Variants in PRKCG observed in about 807,000 individuals in gnomAD.
The protein encoded by PRKCG is protein kinase C gamma, also known as protein kinase C gamma type.
A neutral mutation model predicts 82.0 loss-of-function variants in PRKCG; 28 were observed. That is an observed-to-expected ratio of 0.34 (90% CI 0.25 to 0.47). The LOEUF is 0.47. Among genes scored for constraint, PRKCG ranks in the 20% least tolerant of loss-of-function variants. The pLI is 1.00. For missense variants in PRKCG, 640 were observed against 952.7 expected (o/e 0.67, Z 4.32); for synonymous variants, 383 against 376.6 (o/e 1.02, Z -0.20).
intron 10 of PRKCG, 79 bp from the exon 11 acceptor site, chr19:53,898,361 T>C: frequency 6.4e-7 from 1 of 1,566,596 alleles, no homozygotes; most frequent in Non-Finnish European, 8.8e-7. Context: ...CCCGTTTCCC[T>C]GCGTCCCTTA....
intron 6 of PRKCG, 113 bp downstream of exon 6, chr19:53,891,943 A>G (rs914450228): frequency 1.5e-6 from 2 of 1,352,690 alleles, no homozygotes; most frequent in Non-Finnish European, 2.1e-6. Flanking sequence ...GAACCCAGAA[A>G]AGGGCAGAAG....
In PRKCG at chr19:53,884,238, A is replaced by T; in HGVS notation, c.280A>T (p.Thr94Ser). 1 of 1,613,844 alleles carries T rather than the reference A, an allele frequency of 6.2e-7. No individual in the cohort carries two copies. Among genetic ancestry groups the T allele is most frequent in the East Asian group, 2.2e-5 (1 of 44,878 alleles). The change falls in exon 3 of 18, where the codon ACG becomes TCG. Residue 94 changes from threonine to serine, a missense_variant. Transcript: ENST00000263431. This position sits in a 1 kb window ranked among gnomAD's most constrained non-coding sequence, Gnocchi z 4.6. The stretch of plus-strand genomic sequence containing the variant: ...TCCAGGCGCTGGGAAGGGCCCCCAG[A>T]CGGACGTGAGTGCTCGGACACCTGG... ...ECPGAGKGPQ[T>S]DDPRNKHKFR...
Position 53,889,852 on chromosome 19 carries a change from G to C in PRKCG, c.398-34G>C, listed in dbSNP as rs556168847. 4 of 1,570,698 alleles carry C rather than the reference G, an allele frequency of 2.5e-6. No homozygotes were observed. Among genetic ancestry groups the C allele is most frequent in the African/African-American group, 1.4e-5 (1 of 73,912 alleles). On this transcript the variant is annotated intron_variant, in intron 4 of 17. Transcript: ENST00000263431. The surrounding 1 kb of genome is among the most constrained non-coding windows in gnomAD (Gnocchi z 4.4). ...GGGTGGAGTCTTGGCTTGGGGGCGG[G>C]GCCTGAGGTGCTACCCGCAGCTTTC...
At position 53,882,328 on chromosome 19, in the gene PRKCG, C is replaced by A; in HGVS notation, c.-167C>A. The A allele has an allele frequency of 9.7e-7, 1 of 1,032,272 alleles. No homozygotes were observed. Among genetic ancestry groups the A allele is most frequent in the Non-Finnish European group, 1.4e-6 (1 of 709,378 alleles). The allele number at this position is 1,032,272 out of a possible 1,614,324, so 63.9% of individuals were successfully genotyped here. On this transcript the variant is annotated 5_prime_UTR_variant, in exon 1 of 18. Transcript: ENST00000263431. This position sits in a 1 kb window ranked among gnomAD's most constrained non-coding sequence, Gnocchi z 6.1. ...GGCGGAGCCGGCGCGCCCGGGGTGC[C>A]GCTCCCTGCCTGGCGCGCTCCGCAC...
chr19:53,898,874 G>T (rs1358307738), intron 11 of PRKCG, among the ~76,000 whole-genome samples: 2 of 134,838 alleles, frequency 1.5e-5, no homozygotes, highest in Non-Finnish European at 3.1e-5. Flanking sequence ...AGGCCGGGTG[G>T]AGGGGCTCCT....
chr19:53,907,323 C>G lies in PRKCG; in HGVS notation c.*428C>G, dbSNP rs57483118. On this transcript the variant is annotated 3_prime_UTR_variant, in exon 18 of 18. Coordinates refer to ENST00000263431, the MANE Select transcript of PRKCG (RefSeq NM_002739.5). ...AGAACAGCCCTCGGCCTCCGAGGCT[C>G]CCCGCCTCCACTCTAGTTCTAGATG... 9,384 of 268,254 alleles carry G rather than the reference C, an allele frequency of 0.035. 822 individuals carry two copies. The highest frequency in any genetic ancestry group is 0.19 in the African/African-American group (8,481 of 45,198). The allele number at this position is 268,254 out of a possible 1,614,324, so 16.6% of individuals were successfully genotyped here. A position where few individuals can be genotyped will look rare whatever the true frequency, so the allele number is the denominator to read the frequency against.
rs1365608472 is a variant in PRKCG at position 53,892,296 on chromosome 19, G to A, written c.687-213G>A. 6.6e-6 allele frequency among the ~76,000 whole-genome samples: 1 copy of A among 152,180 alleles called. No individual in the cohort carries two copies. The highest frequency in any genetic ancestry group is 1.5e-5 in the Non-Finnish European group (1 of 68,036). On this transcript the variant is annotated intron_variant, in intron 6 of 17. Coordinates refer to ENST00000263431, the MANE Select transcript of PRKCG (RefSeq NM_002739.5). This position sits in a 1 kb window ranked among gnomAD's most constrained non-coding sequence, Gnocchi z 5.9. ...ATGGGAAGGGGCGGAGAATGCAGGA[G>A]GAAGGGAGAGGAAGAGCTCTCTAGG...
Position 53,882,512 on chromosome 19 carries a change from CGGCGTA to C in PRKCG, c.23_28del (p.Val8_Gly9del). ...CTGGGGCCATGGCTGGTCTGGGCCCCGGCGTAGGCGATTCAGAGGGGGGACCCCGGC... is the reference window on the plus strand; with the variant it reads ...CTGGGGCCATGGCTGGTCTGGGCCCCGGCGATTCAGAGGGGGGACCCCGGC... On this transcript the variant is annotated inframe_deletion, in exon 1 of 18. Transcript: ENST00000263431. The surrounding 1 kb of genome is among the most constrained non-coding windows in gnomAD (Gnocchi z 6.1). The C allele has an allele frequency of 6.2e-7, 1 of 1,613,990 alleles. No individual in the cohort carries two copies. The highest frequency in any genetic ancestry group is 8.5e-7 in the Non-Finnish European group (1 of 1,179,932).
In PRKCG at chr19:53,900,960, A is replaced by C. The variant is rs570603502; in HGVS notation, c.1575+211A>C. On this transcript the variant is annotated intron_variant, in intron 14 of 17. Transcript: ENST00000263431. This position sits in a 1 kb window ranked among gnomAD's most constrained non-coding sequence, Gnocchi z 4.2. The stretch of plus-strand genomic sequence containing the variant: ...GCCCAGCTGGGTCTCTAAATAGGTA[A>C]GGTGGGCAGCACCTGTGGGTGAATG... Among the ~76,000 whole-genome samples the C allele has an allele frequency of 6.6e-6, 1 of 152,302 alleles. No individual in the cohort carries two copies. The highest frequency in any genetic ancestry group is 2.1e-4 in the South Asian group (1 of 4,820).
At position 53,892,867 on chromosome 19, in the gene PRKCG, C is replaced by A; in HGVS notation, c.822-121C>A. 2 of 1,101,108 alleles carry A rather than the reference C, an allele frequency of 1.8e-6. No homozygotes were observed. The highest frequency in any genetic ancestry group is 2.7e-5 in the South Asian group (2 of 75,444). The allele number at this position is 1,101,108 out of a possible 1,614,324, so 68.2% of individuals were successfully genotyped here. ...CCTCTCCCTCTCTTTTTATCTCACT[C>A]TTTCTCTCTTCCATCTCTGTGTCCG... On this transcript the variant is annotated intron_variant, in intron 7 of 17. Transcript: ENST00000263431. The surrounding 1 kb of genome is among the most constrained non-coding windows in gnomAD (Gnocchi z 5.9).
At chr19:53,885,333 ATTC>A (rs1307104810) in intron 3 of PRKCG, among the ~76,000 whole-genome samples, 1 of 152,130 alleles carries the variant, frequency 6.6e-6, no homozygotes, top group Non-Finnish European at 1.5e-5. Flanking sequence ...GGTTCAAGCA[ATTC>A]TTCTACCTCA....
rs1388630785 is a variant in PRKCG at position 53,883,244 on chromosome 19, G to C, written c.202+50G>C. 6.2e-7 allele frequency: 1 copy of C among 1,609,320 alleles called. No homozygotes were observed. The highest frequency in any genetic ancestry group is 2.2e-5 in the East Asian group (1 of 44,834). ...TGGGACCCTCAGGAGGGTGGAGGCT[G>C]GGGCCCCACAGCTGAGGCTGCTTGA... On this transcript the variant is annotated intron_variant, in intron 2 of 17. Coordinates refer to ENST00000263431, the MANE Select transcript of PRKCG (RefSeq NM_002739.5). The surrounding 1 kb of genome is among the most constrained non-coding windows in gnomAD (Gnocchi z 5.4).
At chr19:53,905,977 CCTCT>C (rs1300544966) in intron 16 of PRKCG, among the ~76,000 whole-genome samples, 4 of 126,646 alleles carry the variant, frequency 3.2e-5, no homozygotes, top group Admixed American at 7.7e-5. Context: ...TGTCCCTCTT[CCTCT>C]CTCTCTCCTC....
rs117755998 is a variant in PRKCG at position 53,895,019 on chromosome 19, C to G, written c.939+1628C>G. Among the ~76,000 whole-genome samples, 1,301 of 152,204 alleles carry G rather than the reference C, an allele frequency of 8.5e-3. 13 individuals carry two copies. Among genetic ancestry groups the G allele is most frequent in the Non-Finnish European group, 0.012 (788 of 68,012 alleles). ...CCAAAGGAGAGACCAGATTTTCAGG[C>G]AGGAGGAAGTAATGCTCTCTCCCTC... On this transcript the variant is annotated intron_variant, in intron 9 of 17. Transcript: ENST00000263431.
In PRKCG at chr19:53,890,031, C is replaced by T; in HGVS notation, c.529+14C>T. 1.3e-6 allele frequency: 2 copies of T among 1,551,702 alleles called. No individual in the cohort carries two copies. Among genetic ancestry groups the T allele is most frequent in the South Asian group, 1.2e-5 (1 of 84,438 alleles). Reference sequence around the variant, plus strand: ...TCCACGTAACTGGTGAGGCCCCGCCCCCTCGCCTGGCCCCGCCCCCTCCCC... The same window carrying T: ...TCCACGTAACTGGTGAGGCCCCGCCTCCTCGCCTGGCCCCGCCCCCTCCCC... On this transcript the variant is annotated intron_variant, in intron 5 of 17. Coordinates refer to ENST00000263431, the MANE Select transcript of PRKCG (RefSeq NM_002739.5).
Position 53,898,595 on chromosome 19 carries a change from C to A in PRKCG, c.1248C>A (p.Phe416Leu). 6.3e-7 allele frequency: 1 copy of A among 1,599,476 alleles called. No homozygotes were observed. The highest frequency in any genetic ancestry group is 8.5e-7 in the Non-Finnish European group (1 of 1,174,066). Residue 416 changes from phenylalanine to leucine, a missense_variant, in exon 11 of 18, where the codon TTC becomes TTA. Around this residue, in one of 7 missense-constraint regions of PRKCG, gnomAD observed 78 missense variants for 105.6 expected, o/e 0.74. Coordinates refer to ENST00000263431, the MANE Select transcript of PRKCG (RefSeq NM_002739.5). ...GGRGPGGRPHFLTQLHSTFQT... is the reference protein window; with the variant it reads ...GGRGPGGRPHLLTQLHSTFQT... ...GGGGTCCTGGCGGCCGGCCCCACTT[C>A]CTCACCCAGCTCCACTCCACCTTCC...
At chr19:53,895,158 C>A (rs565691379) in intron 9 of PRKCG, among the ~76,000 whole-genome samples, 1 of 152,286 alleles carries the variant, frequency 6.6e-6, no homozygotes, top group African/African-American at 2.4e-5. Context: ...AAAAAAGTTC[C>A]TTTCCTTATG....
At position 53,893,071 on chromosome 19, in the gene PRKCG, T is replaced by G; in HGVS notation, c.905T>G (p.Phe302Cys). Residue 302 changes from phenylalanine (F) to cysteine (C), a missense_variant, in exon 8 of 18, where the codon TTT (phenylalanine) becomes TGT (cysteine). Physicochemically the swap from Phe to Cys is radical, Grantham distance 205. Coordinates refer to ENST00000263431, the MANE Select transcript of PRKCG (RefSeq NM_002739.5). ...GACAACTGCAGCCTCCTCCAGAAGT[T>G]TGAGGTACCCAGACCCTGGCTTCCT... ...DADNCSLLQK[F>C]EACNYPLELY... The G allele has an allele frequency of 6.2e-7, 1 of 1,613,686 alleles. No homozygotes were observed. The highest frequency in any genetic ancestry group is 8.5e-7 in the Non-Finnish European group (1 of 1,179,794).
At position 53,892,950 on chromosome 19, in the gene PRKCG, TC is replaced by T; in HGVS notation, c.822-34del. On this transcript the variant is annotated intron_variant, in intron 7 of 17. Transcript: ENST00000263431. The surrounding 1 kb of genome is among the most constrained non-coding windows in gnomAD (Gnocchi z 5.9). ...CTTTGCCTCTCCCATGGGTGCCCCATCCCCGCTGCCCGCCTCTGGTCTCCGT... is the reference window on the plus strand; with the variant it reads ...CTTTGCCTCTCCCATGGGTGCCCCATCCCGCTGCCCGCCTCTGGTCTCCGT... The T allele has an allele frequency of 6.3e-7, 1 of 1,588,428 alleles. No homozygotes were observed. Among genetic ancestry groups the T allele is most frequent in the Non-Finnish European group, 8.6e-7 (1 of 1,157,764 alleles).
Sources: allele counts gnomAD v4.1 joint callset (sites outside exome capture counted in the v4.1 genomes callset), GRCh38; gene constraint gnomAD v4.1.1; regional missense constraint gnomAD v4.1.1; non-coding constraint Gnocchi (gnomAD v3.1); transcripts MANE v1.5; gene names NCBI Gene and HGNC (gene_info 2026-07-23, HGNC 2026-07-21).